CSMD1: variants seen among roughly 807,000 people sequenced by gnomAD.
CSMD1 encodes CUB and sushi domain-containing protein 1.
Under a neutral mutation model 417.5 loss-of-function variants are expected in CSMD1, and 213 were observed. The observed-to-expected ratio is 0.51, with a 90% CI of 0.46 to 0.57. The LOEUF is 0.57. Ranked by LOEUF, CSMD1 falls within the 20% of genes least tolerant of loss-of-function variation. The pLI is 0.00. For missense variants in CSMD1, 6,923 were observed against 4,529.7 expected, an observed-to-expected ratio of 1.53 and a Z score of -15.17; for synonymous variants, 2,862 against 1,736.8, an observed-to-expected ratio of 1.65 and a Z score of -16.11.
intron 26 of CSMD1, among the ~76,000 whole-genome samples, chr8:3,236,601 G>A (rs1799168441): frequency 6.6e-6 from 1 of 152,190 alleles, no homozygotes; most frequent in African/African-American, 2.4e-5. Flanking sequence ...CCACCCAGGG[G>A]CACTCCATTA....
chr8:3,427,979 A>G (rs1813964075), intron 12 of CSMD1, among the ~76,000 whole-genome samples: 1 of 152,206 alleles, frequency 6.6e-6, no homozygotes, highest in African/African-American at 2.4e-5. Context: ...AATTTTAGAA[A>G]ATGGAATTAA....
intron 4 of CSMD1, among the ~76,000 whole-genome samples, chr8:4,012,116 A>T (rs1816588241): frequency 6.6e-6 from 1 of 152,150 alleles, no homozygotes; most frequent in South Asian, 2.1e-4. Context: ...CATTTTCTAG[A>T]TTTAAAATAT....
intron 3 of CSMD1, among the ~76,000 whole-genome samples, chr8:4,410,978 T>C (rs1176083677): frequency 6.6e-6 from 1 of 152,166 alleles, no homozygotes; most frequent in African/African-American, 2.4e-5. Context: ...CAGTGGATTG[T>C]TATACAGTGA....
intron 5 of CSMD1, among the ~76,000 whole-genome samples, chr8:3,768,526 T>A (rs1798406990): frequency 6.6e-6 from 1 of 152,158 alleles, no homozygotes; most frequent in South Asian, 2.1e-4. Context: ...CATGAGACAA[T>A]TTATAAGAAA....
intron 5 of CSMD1, among the ~76,000 whole-genome samples, chr8:3,880,072 G>A (rs983296079): frequency 2.7e-5 from 4 of 150,070 alleles, no homozygotes; most frequent in East Asian, 1.9e-4. Flanking sequence ...TTTTTTGACT[G>A]AGAACTCCTA....
At chr8:4,723,009 C>T (rs568883601) in intron 1 of CSMD1, among the ~76,000 whole-genome samples, 1 of 152,252 alleles carries the variant, frequency 6.6e-6, no homozygotes, top group East Asian at 1.9e-4. Context: ...TTACAAGAGT[C>T]TCACTGAGAC....
rs988216378 is a variant in CSMD1, at chr8:3,314,937, A to G, written c.3632-6434T>C. On this transcript the variant is annotated intron_variant, in intron 23 of 69. Coordinates refer to ENST00000635120, the MANE Select transcript of CSMD1 (RefSeq NM_033225.6). ...AGTTTTTTCAGCTTCTATCTGAGCA[A>G]CTCTTGAGAAAGTAGTTTCATGCTC... is the stretch of plus-strand genomic sequence containing the variant. Among the ~76,000 whole-genome samples, 12 of 152,218 alleles carry G rather than the reference A, an allele frequency of 7.9e-5. No individual in the cohort carries two copies. In the South Asian group the frequency reaches 8.3e-4, roughly 11 times the overall value.
At chr8:3,478,901 G>T (rs1483821525) in intron 11 of CSMD1, among the ~76,000 whole-genome samples, 1 of 152,090 alleles carries the variant, frequency 6.6e-6, no homozygotes, top group Admixed American at 6.5e-5. Context: ...GTGTGAGACT[G>T]AGTCTCTTCC....
chr8:4,454,087 G>T (rs941503286), intron 2 of CSMD1, among the ~76,000 whole-genome samples: 1 of 152,062 alleles, frequency 6.6e-6, no homozygotes, highest in Non-Finnish European at 1.5e-5. Flanking sequence ...CTCCCTAAGT[G>T]CTGGGATTAC....
chr8:3,429,077 G>A (rs1204299870), intron 12 of CSMD1, among the ~76,000 whole-genome samples: 2 of 152,130 alleles, frequency 1.3e-5, no homozygotes, highest in East Asian at 3.9e-4. Flanking sequence ...GTTAACAGGT[G>A]CAGGGTCTCA....
intron 63 of CSMD1, among the ~76,000 whole-genome samples, chr8:2,956,635 T>C (rs1803030087): frequency 6.6e-6 from 1 of 151,890 alleles, no homozygotes; most frequent in Non-Finnish European, 1.5e-5. Context: ...TTGTAGTTTT[T>C]TTAGTAGAGA....
At chr8:3,471,628 C>G (rs1474880946) in intron 11 of CSMD1, among the ~76,000 whole-genome samples, 12 of 143,234 alleles carry the variant, frequency 8.4e-5, no homozygotes, top group African/African-American at 3.1e-4. Context: ...TTCCCTCCCT[C>G]TCTCCCTCCC....
intron 26 of CSMD1, among the ~76,000 whole-genome samples, chr8:3,255,666 C>A (rs192119424): frequency 6.6e-6 from 1 of 152,240 alleles, no homozygotes; most frequent in East Asian, 1.9e-4. Flanking sequence ...ACCCTCTGAG[C>A]CATGCACGGG....
At chr8:4,377,054 C>T (rs545920840) in intron 3 of CSMD1, among the ~76,000 whole-genome samples, 2 of 152,298 alleles carry the variant, frequency 1.3e-5, no homozygotes, top group Admixed American at 1.3e-4. Flanking sequence ...GATTGTTCTC[C>T]TGGATCATTG....
intron 26 of CSMD1, among the ~76,000 whole-genome samples, chr8:3,246,080 G>A (rs557922594): frequency 9.9e-5 from 15 of 152,142 alleles, no homozygotes; most frequent in Non-Finnish European, 2.1e-4. Flanking sequence ...TCCATTCTCT[G>A]CACTGCATCT....
At chr8:3,952,245 C>G (rs1028358973) in intron 5 of CSMD1, among the ~76,000 whole-genome samples, 3 of 152,018 alleles carry the variant, frequency 2.0e-5, no homozygotes, top group African/African-American at 7.3e-5. Context: ...ATGGGCCTTC[C>G]TCACTCTTAT....
intron 5 of CSMD1, among the ~76,000 whole-genome samples, chr8:3,996,425 T>C (rs1815226063): frequency 7.4e-6 from 1 of 135,608 alleles, no homozygotes. Flanking sequence ...AAGAGATGCT[T>C]AATAAATTCA....
chr8:4,398,481 C>G (rs1023151456), intron 3 of CSMD1, among the ~76,000 whole-genome samples: 2 of 146,876 alleles, frequency 1.4e-5, no homozygotes, highest in Non-Finnish European at 3.0e-5. Flanking sequence ...GCAACCTCCT[C>G]TCCTGGGTTC....
At chr8:4,739,875 C>G (rs1232903888) in intron 1 of CSMD1, among the ~76,000 whole-genome samples, 1 of 152,126 alleles carries the variant, frequency 6.6e-6, no homozygotes, top group African/African-American at 2.4e-5. Context: ...AGGGATCTTT[C>G]TAAAACTCAG....
Sources: allele counts gnomAD v4.1 joint callset (sites outside exome capture counted in the v4.1 genomes callset), GRCh38; gene constraint gnomAD v4.1.1; transcripts MANE v1.5; gene names NCBI Gene and HGNC (gene_info 2026-07-23, HGNC 2026-07-21).